The following SHISA9 variants were observed in gnomAD, a reference collection of about 807,000 sequenced individuals.
SHISA9 encodes the protein protein shisa-9.
Under a neutral mutation model 38.0 loss-of-function variants are expected in SHISA9, and 13 were observed. The ratio of observed to expected loss-of-function variants is 0.34; its 90% CI spans 0.22 to 0.54. The LOEUF is 0.54. Among genes scored for constraint, SHISA9 ranks in the 20% least tolerant of loss-of-function variants. The pLI, the probability that SHISA9 is intolerant of heterozygous loss-of-function variation, is 0.91. For synonymous variants in SHISA9, 275 were observed against 242.0 expected, an observed-to-expected ratio of 1.14 and a Z score of -1.27; for missense variants, 538 against 575.8, an observed-to-expected ratio of 0.93 and a Z score of 0.67.
chr16:13,302,876 C>G, the SHISA9 span, among the ~76,000 whole-genome samples: 1 of 152,078 alleles, frequency 6.6e-6, no homozygotes, highest in Non-Finnish European at 1.5e-5. Flanking sequence ...TGAGTTCTGA[C>G]GAGATCTGAT....
At chr16:12,940,204 T>A (rs571814532) in intron 2 of SHISA9, among the ~76,000 whole-genome samples, 2 of 152,314 alleles carry the variant, frequency 1.3e-5, no homozygotes, top group East Asian at 3.9e-4. Context: ...AGGCCAGAGC[T>A]TGGGCTTGGG....
At chr16:12,903,372 T>G (rs1358478086) in intron 1 of SHISA9, among the ~76,000 whole-genome samples, 1 of 152,150 alleles carries the variant, frequency 6.6e-6, no homozygotes, top group Non-Finnish European at 1.5e-5. Flanking sequence ...AGCCCCCTCC[T>G]CGCGCGCCCT....
chr16:12,902,056 G>A lies in SHISA9; in HGVS notation c.-9G>A. On this transcript the variant is annotated 5_prime_UTR_variant, in exon 1 of 5. Coordinates refer to ENST00000558583, the MANE Select transcript of SHISA9 (RefSeq NM_001145204.3). ...CGGCCGAGCGGCCGAGCCCGGGCTG[G>A]GAGACACCATGCGCCGCGTCCTTCG... is the stretch of plus-strand genomic sequence containing the variant. The A allele has an allele frequency of 6.8e-7, 1 of 1,479,652 alleles. No individual in the cohort carries two copies. Among genetic ancestry groups the A allele is most frequent in the South Asian group, 1.3e-5 (1 of 78,248 alleles). 91.7% of individuals were successfully genotyped at this position (1,479,652 alleles called of 1,614,324 possible).
chr16:13,103,372 G>T (rs2073897290), intron 2 of SHISA9, among the ~76,000 whole-genome samples: 1 of 152,180 alleles, frequency 6.6e-6, no homozygotes, highest in Non-Finnish European at 1.5e-5. Context: ...TACATAGAGG[G>T]AAATGATTAT....
At chr16:13,481,892 G>A in the SHISA9 span, among the ~76,000 whole-genome samples, 2 of 152,324 alleles carry the variant, frequency 1.3e-5, no homozygotes, top group East Asian at 3.9e-4. Flanking sequence ...CTCATTAAGA[G>A]AGATCTCATT....
At chr16:13,322,420 T>C in the SHISA9 span, among the ~76,000 whole-genome samples, 4 of 152,318 alleles carry the variant, frequency 2.6e-5, no homozygotes, top group East Asian at 7.7e-4. Context: ...ATCAGTTAAT[T>C]CAGCTAGCTG....
intron 3 of SHISA9, among the ~76,000 whole-genome samples, chr16:13,209,447 T>C (rs1019686386): frequency 3.3e-5 from 5 of 152,154 alleles, no homozygotes; most frequent in Non-Finnish European, 7.3e-5. Context: ...AAAGAATCAG[T>C]CTAGACCTCT....
chr16:13,514,708 A>C, the SHISA9 span, among the ~76,000 whole-genome samples: 2 of 152,202 alleles, frequency 1.3e-5, no homozygotes, highest in Non-Finnish European at 2.9e-5. Flanking sequence ...TAATTGGCCT[A>C]ATACATGTGT....
At chr16:13,360,210 C>T in the SHISA9 span, among the ~76,000 whole-genome samples, 2 of 152,234 alleles carry the variant, frequency 1.3e-5, no homozygotes, top group Admixed American at 1.3e-4. Flanking sequence ...TGCAAGACCA[C>T]TCAGAGAACT....
chr16:13,063,016 C>CT (rs368453853), intron 2 of SHISA9, among the ~76,000 whole-genome samples: 8 of 133,494 alleles, frequency 6.0e-5, no homozygotes, highest in East Asian at 2.2e-4. Flanking sequence ...CTTTTTTTTT[C>CT]TTTTTTTTGA....
intron 4 of SHISA9, among the ~76,000 whole-genome samples, chr16:13,215,246 G>A (rs1411187588): frequency 2.0e-5 from 3 of 152,092 alleles, no homozygotes; most frequent in African/African-American, 7.2e-5. Flanking sequence ...CAGATTCCTG[G>A]GCCTTACCCA....
intron 2 of SHISA9, among the ~76,000 whole-genome samples, chr16:12,920,764 T>C (rs2071317828): frequency 6.6e-6 from 1 of 152,234 alleles, no homozygotes; most frequent in African/African-American, 2.4e-5. Context: ...GAAATCAACG[T>C]GAGTACTTTC....
chr16:13,143,414 G>T lies in SHISA9; in HGVS notation c.692-59980G>T, dbSNP rs74012288. 3.3e-3 allele frequency among the ~76,000 whole-genome samples: 503 copies of T among 152,262 alleles called. 5 individuals carry two copies. Among genetic ancestry groups the T allele is most frequent in the African/African-American group, 0.012 (480 of 41,552 alleles). ...CCCGTACCTATCCTTCTGGAATTCAGAGCCATCCAGGAAGGAAGCAGTTAC... is the reference window on the plus strand; with the variant it reads ...CCCGTACCTATCCTTCTGGAATTCATAGCCATCCAGGAAGGAAGCAGTTAC... On this transcript the variant is annotated intron_variant, in intron 2 of 4. Transcript: ENST00000558583.
chr16:13,220,123 A>G (rs1163055078), intron 4 of SHISA9, among the ~76,000 whole-genome samples: 1 of 152,236 alleles, frequency 6.6e-6, no homozygotes, highest in African/African-American at 2.4e-5. Context: ...ATGTATTTAG[A>G]CCAGCATTTA....
rs2051380079 is a variant in SHISA9 at position 13,236,017 on chromosome 16, C to T, written c.*608C>T. The stretch of plus-strand genomic sequence containing the variant: ...CGAGCATGAAACAGTAACTGGACCC[C>T]AACCATTCTATTTATAGTACTTTTC... On this transcript the variant is annotated 3_prime_UTR_variant, in exon 5 of 5. Transcript: ENST00000558583. The T allele has an allele frequency of 1.3e-5, 2 of 152,224 alleles. No individual in the cohort carries two copies. The highest frequency in any genetic ancestry group is 2.9e-5 in the Non-Finnish European group (2 of 68,164). The allele number at this position is 152,224 out of a possible 1,614,324, so 9.4% of individuals were successfully genotyped here.
At chr16:12,926,303 T>A (rs1196549374) in intron 2 of SHISA9, among the ~76,000 whole-genome samples, 1 of 152,182 alleles carries the variant, frequency 6.6e-6, no homozygotes, top group Non-Finnish European at 1.5e-5. Flanking sequence ...TACTGATTGA[T>A]CCCTGCTGAG....
chr16:13,497,029 T>C, the SHISA9 span, among the ~76,000 whole-genome samples: 2 of 152,180 alleles, frequency 1.3e-5, no homozygotes, highest in Non-Finnish European at 2.9e-5. Flanking sequence ...CTGAAGTTAA[T>C]TTGAAAATAT....
chr16:13,341,683 T>A, the SHISA9 span, among the ~76,000 whole-genome samples: 1 of 152,234 alleles, frequency 6.6e-6, no homozygotes, highest in African/African-American at 2.4e-5. Flanking sequence ...AACCTGTATT[T>A]GTTTCTCCAT....
At chr16:13,249,789 G>T in the SHISA9 span, among the ~76,000 whole-genome samples, 1 of 152,058 alleles carries the variant, frequency 6.6e-6, no homozygotes, top group Admixed American at 6.6e-5. Flanking sequence ...AAGCTAGAGT[G>T]CAGTGGCATG....
Sources: allele counts gnomAD v4.1 joint callset (sites outside exome capture counted in the v4.1 genomes callset), GRCh38; gene constraint gnomAD v4.1.1; transcripts MANE v1.5; gene names NCBI Gene and HGNC (gene_info 2026-07-23, HGNC 2026-07-21).